LRRTM4: variants seen among roughly 807,000 people sequenced by gnomAD.
LRRTM4 encodes the protein leucine rich repeat transmembrane neuronal 4, also known as leucine-rich repeat transmembrane neuronal protein 4.
Under a neutral mutation model 47.6 loss-of-function variants are expected in LRRTM4, and 25 were observed. The ratio of observed to expected loss-of-function variants is 0.53; its 90% CI spans 0.38 to 0.73. The LOEUF (loss-of-function observed/expected upper bound fraction) is 0.73. Among genes scored for constraint, LRRTM4 ranks in the 30% least tolerant of loss-of-function variants. The pLI is 0.00. For synonymous variants in LRRTM4, 311 were observed against 269.5 expected (o/e 1.15, Z -1.51); for missense variants, 638 against 713.4 (o/e 0.89, Z 1.20).
chr2:77,073,352 T>C (rs1680224558), intron 3 of LRRTM4, among the ~76,000 whole-genome samples: 1 of 151,916 alleles, frequency 6.6e-6, no homozygotes, highest in Non-Finnish European at 1.5e-5. Context: ...CCAATTCTTC[T>C]TACTTAGTGT....
At chr2:77,023,593 T>TC (rs1438602830) in intron 3 of LRRTM4, among the ~76,000 whole-genome samples, 1 of 152,204 alleles carries the variant, frequency 6.6e-6, no homozygotes, top group African/African-American at 2.4e-5. Context: ...CCCTGAATCA[T>TC]CTCTCTCAAA....
chr2:76,932,316 G>T (rs1331851774), intron 3 of LRRTM4, among the ~76,000 whole-genome samples: 5 of 152,138 alleles, frequency 3.3e-5, no homozygotes, highest in African/African-American at 1.2e-4. Flanking sequence ...AAAGCACCAA[G>T]TATGGAGAGG....
intron 3 of LRRTM4, among the ~76,000 whole-genome samples, chr2:77,380,866 T>C (rs1673025704): frequency 6.6e-6 from 1 of 151,984 alleles, no homozygotes; most frequent in Non-Finnish European, 1.5e-5. Context: ...TAAAGTAATG[T>C]TTCTAAGGAA....
At chr2:76,815,146 A>G (rs375101215) in intron 3 of LRRTM4, among the ~76,000 whole-genome samples, 85 of 152,216 alleles carry the variant, frequency 5.6e-4, no homozygotes, top group African/African-American at 1.9e-3. Context: ...GAAAAGAAAT[A>G]AAATTTGTGA....
chr2:77,118,894 C>T (rs1296029611), intron 3 of LRRTM4, among the ~76,000 whole-genome samples: 1 of 151,754 alleles, frequency 6.6e-6, no homozygotes, highest in East Asian at 1.9e-4. Context: ...AATCAGGATA[C>T]TTTGTGAAAG....
At chr2:77,186,923 TAAG>T (rs776507942) in intron 3 of LRRTM4, among the ~76,000 whole-genome samples, 52 of 152,138 alleles carry the variant, frequency 3.4e-4, no homozygotes, top group Non-Finnish European at 6.2e-4. Flanking sequence ...TTGGTGAAGA[TAAG>T]AAAAAATTAT....
At chr2:76,766,166 T>C (rs1279697116) in intron 3 of LRRTM4, among the ~76,000 whole-genome samples, 1 of 152,202 alleles carries the variant, frequency 6.6e-6, no homozygotes, top group Non-Finnish European at 1.5e-5. Context: ...ATCTTCCTTC[T>C]TTCTCCATTA....
chr2:77,249,644 A>G (rs1198865033), intron 3 of LRRTM4, among the ~76,000 whole-genome samples: 1 of 152,208 alleles, frequency 6.6e-6, no homozygotes, highest in Non-Finnish European at 1.5e-5. Flanking sequence ...TACAATGGCC[A>G]AAATCCAGAG....
intron 3 of LRRTM4, among the ~76,000 whole-genome samples, chr2:77,314,746 T>A (rs1052837887): frequency 6.6e-6 from 1 of 152,210 alleles, no homozygotes; most frequent in African/African-American, 2.4e-5. Context: ...GGTTTGATTT[T>A]TCTACTTTAT....
chr2:76,756,604 T>C (rs1206834384), intron 3 of LRRTM4, among the ~76,000 whole-genome samples: 1 of 152,200 alleles, frequency 6.6e-6, no homozygotes, highest in Non-Finnish European at 1.5e-5. Context: ...TTTTATTTCT[T>C]GTTCATCTGC....
intron 3 of LRRTM4, among the ~76,000 whole-genome samples, chr2:77,329,406 G>A (rs965304879): frequency 7.9e-5 from 12 of 152,102 alleles, no homozygotes; most frequent in South Asian, 2.1e-4. Flanking sequence ...CAATTTATCC[G>A]TGAAGAATAC....
At chr2:76,904,295 A>C (rs1363751732) in intron 3 of LRRTM4, among the ~76,000 whole-genome samples, 1 of 152,202 alleles carries the variant, frequency 6.6e-6, no homozygotes, top group Non-Finnish European at 1.5e-5. Context: ...CGTTTTTTAA[A>C]GAGTAGAAAA....
chr2:77,259,307 T>C (rs964924080), intron 3 of LRRTM4, among the ~76,000 whole-genome samples: 2 of 152,076 alleles, frequency 1.3e-5, no homozygotes, highest in African/African-American at 4.8e-5. Context: ...GAAACAATAA[T>C]ACTGTCCTTA....
chr2:76,906,014 C>T (rs184133779), intron 3 of LRRTM4, among the ~76,000 whole-genome samples: 4,108 of 151,968 alleles, frequency 0.027, 173 homozygotes, highest in African/African-American at 0.086. Context: ...AGATACTCCT[C>T]GAGAAGAGCA....
At chr2:76,969,244 A>G (rs1174708138) in intron 3 of LRRTM4, among the ~76,000 whole-genome samples, 1 of 151,840 alleles carries the variant, frequency 6.6e-6, no homozygotes, top group Non-Finnish European at 1.5e-5. Context: ...TTTCTTTCCT[A>G]GTCATTCTGG....
At chr2:76,779,791 T>C (rs557851315) in intron 3 of LRRTM4, among the ~76,000 whole-genome samples, 28 of 152,344 alleles carry the variant, frequency 1.8e-4, no homozygotes, top group African/African-American at 6.5e-4. Context: ...TGTGTGAATT[T>C]GATCTTATCA....
At chr2:76,789,169 G>A (rs1674836778) in intron 3 of LRRTM4, among the ~76,000 whole-genome samples, 1 of 152,160 alleles carries the variant, frequency 6.6e-6, no homozygotes, top group East Asian at 1.9e-4. Flanking sequence ...TCTCAAGTGG[G>A]GTTGCCACCA....
At chr2:77,041,051 C>T (rs1679014493) in intron 3 of LRRTM4, among the ~76,000 whole-genome samples, 1 of 151,352 alleles carries the variant, frequency 6.6e-6, no homozygotes, top group East Asian at 2.0e-4. Flanking sequence ...CCTTTGTACT[C>T]ATCAACCAAC....
At chr2:76,772,037 G>A (rs1290859903) in intron 3 of LRRTM4, among the ~76,000 whole-genome samples, 4 of 152,196 alleles carry the variant, frequency 2.6e-5, no homozygotes, top group South Asian at 2.1e-4. Context: ...GTTATGGACC[G>A]AATGTTGTAT....
Sources: allele counts gnomAD v4.1 joint callset (sites outside exome capture counted in the v4.1 genomes callset), GRCh38; gene constraint gnomAD v4.1.1; transcripts MANE v1.5; gene names NCBI Gene and HGNC (gene_info 2026-07-23, HGNC 2026-07-21).